The following PLBD1 variants were observed in gnomAD, a reference collection of about 807,000 sequenced individuals.
PLBD1 encodes the protein phospholipase B domain containing 1.
Under a neutral mutation model 63.0 loss-of-function variants are expected in PLBD1, and 60 were observed. The observed-to-expected ratio is 0.95, with a 90% CI of 0.77 to 1.18. The LOEUF is 1.18. Ranked by LOEUF, PLBD1 falls within the 50% of genes most tolerant of loss-of-function variation. PLBD1 has a pLI of 0.00. For synonymous variants in PLBD1, 262 were observed against 248.0 expected, an observed-to-expected ratio of 1.06 and a Z score of -0.53; for missense variants, 598 against 677.9, an observed-to-expected ratio of 0.88 and a Z score of 1.31.
chr12:14,536,463 T>C, intron 5 of PLBD1, 107 bp downstream of exon 5: 1 of 1,219,172 alleles, frequency 8.2e-7, no homozygotes, highest in Non-Finnish European at 1.2e-6. Flanking sequence ...ACTCATGAGC[T>C]GATATACAGT....
chr12:14,556,924 C>T (rs1287127286), intron 1 of PLBD1, among the ~76,000 whole-genome samples: 2 of 136,580 alleles, frequency 1.5e-5, no homozygotes, highest in African/African-American at 5.5e-5. Flanking sequence ...GCGGAGGTTG[C>T]AGTGAGCCGA....
chr12:14,567,451 C>CT, intron 1 of PLBD1, 131 bp downstream of exon 1: 1 of 1,270,066 alleles, frequency 7.9e-7, no homozygotes, highest in Non-Finnish European at 1.0e-6. Context: ...CGGCCGGAGG[C>CT]GCGTTTCTCT....
chr12:14,536,492 G>T, intron 5 of PLBD1, 78 bp downstream of exon 5: 4 of 1,479,568 alleles, frequency 2.7e-6, no homozygotes, highest in Non-Finnish European at 3.7e-6. Flanking sequence ...GGGGTGATGA[G>T]ATGTTGCTAT....
chr12:14,558,234 G>A (rs1945721705), intron 1 of PLBD1, among the ~76,000 whole-genome samples: 1 of 152,070 alleles, frequency 6.6e-6, no homozygotes, highest in African/African-American at 2.4e-5. Context: ...TGACTTCTGA[G>A]TACAATGACC....
At chr12:14,536,020 G>T (rs1945511129) in intron 5 of PLBD1, 1 of 488,350 alleles carries the variant, frequency 2.0e-6, no homozygotes, top group Middle Eastern at 5.3e-4. Flanking sequence ...CTCCAGCTGG[G>T]CATGGTGGCT....
chr12:14,543,956 A>G (rs1392937901), intron 2 of PLBD1, among the ~76,000 whole-genome samples: 4 of 151,772 alleles, frequency 2.6e-5, no homozygotes, highest in Admixed American at 6.6e-5. Context: ...AAATGGTTAT[A>G]ACATTCTAGT....
intron 2 of PLBD1, among the ~76,000 whole-genome samples, chr12:14,545,653 C>A (rs1945611304): frequency 6.6e-6 from 1 of 152,164 alleles, no homozygotes; most frequent in South Asian, 2.1e-4. Context: ...GGGAATTTGG[C>A]TCCTACACTT....
At chr12:14,514,700 G>T (rs1945324641) in intron 6 of PLBD1, among the ~76,000 whole-genome samples, 1 of 151,986 alleles carries the variant, frequency 6.6e-6, no homozygotes, top group South Asian at 2.1e-4. Flanking sequence ...CCTTTGAAAA[G>T]AAACACATTT....
At chr12:14,505,497 G>T (rs939422958) in intron 10 of PLBD1, among the ~76,000 whole-genome samples, 4 of 152,152 alleles carry the variant, frequency 2.6e-5, no homozygotes, top group Non-Finnish European at 5.9e-5. Flanking sequence ...GAGGAAAAAA[G>T]TTCCTGATTT....
chr12:14,562,487 A>G (rs1465482298), intron 1 of PLBD1, among the ~76,000 whole-genome samples: 1 of 151,360 alleles, frequency 6.6e-6, no homozygotes, highest in African/African-American at 2.4e-5. Flanking sequence ...AAAGACTGTA[A>G]CTGAACATGA....
At position 14,567,825 on chromosome 12, in the gene PLBD1, T is replaced by C. The variant is rs2136939261; in HGVS notation, c.-129A>G. On this transcript the variant is annotated 5_prime_UTR_variant, in exon 1 of 11. Transcript: ENST00000240617. ...CTCCGAGGTGGGGCGTCCTCAACTTTCCTCTTTCTTGAGCCCGGCCTGCTC... is the reference window on the plus strand; with the variant it reads ...CTCCGAGGTGGGGCGTCCTCAACTTCCCTCTTTCTTGAGCCCGGCCTGCTC... 2 of 1,263,388 alleles carry C rather than the reference T, an allele frequency of 1.6e-6. No homozygotes were observed. Among genetic ancestry groups the C allele is most frequent in the East Asian group, 3.2e-5 (1 of 31,402 alleles). 78.3% of individuals were successfully genotyped at this position (1,263,388 alleles called of 1,614,324 possible).
chr12:14,559,966 T>A (rs1001483911), intron 1 of PLBD1, among the ~76,000 whole-genome samples: 21 of 152,086 alleles, frequency 1.4e-4, no homozygotes, highest in African/African-American at 5.1e-4. Flanking sequence ...GTTCAAGCGA[T>A]TCTCCTGCCT....
chr12:14,564,785 A>G (rs1043865710), intron 1 of PLBD1, among the ~76,000 whole-genome samples: 4 of 152,180 alleles, frequency 2.6e-5, no homozygotes, highest in African/African-American at 9.7e-5. Context: ...TATACATACC[A>G]TATTATGAGT....
intron 6 of PLBD1, among the ~76,000 whole-genome samples, chr12:14,528,969 T>C (rs1418156047): frequency 6.6e-6 from 1 of 152,100 alleles, no homozygotes; most frequent in African/African-American, 2.4e-5. Context: ...AAATTTACAA[T>C]TAATAACTTT....
At chr12:14,528,234 C>T (rs1190177922) in intron 6 of PLBD1, among the ~76,000 whole-genome samples, 2 of 152,080 alleles carry the variant, frequency 1.3e-5, no homozygotes, top group Non-Finnish European at 2.9e-5. Context: ...TTAACTTGCA[C>T]TGACTGACAT....
In PLBD1 at chr12:14,503,756, C is replaced by G; in HGVS notation, c.*16G>C. 6.2e-7 allele frequency: 1 copy of G among 1,604,482 alleles called. No homozygotes were observed. Among genetic ancestry groups the G allele is most frequent in the Non-Finnish European group, 8.5e-7 (1 of 1,171,938 alleles). On this transcript the variant is annotated 3_prime_UTR_variant, in exon 11 of 11. Transcript: ENST00000240617. ...GGTATCTTATTTACAGTCTTCTAGT[C>G]CGTCATCTCCCTCCTTCATTTTATA...
rs552528034 is a variant in PLBD1, at chr12:14,555,376, A to G, written c.116-1964T>C. On this transcript the variant is annotated intron_variant, in intron 1 of 10. Transcript: ENST00000240617. Reference sequence around the variant, plus strand: ...AACATGGAGAAACCTCGTCTCTACTAAAAGTACAAAATGAGCCAGGCATGG... The same window carrying G: ...AACATGGAGAAACCTCGTCTCTACTGAAAGTACAAAATGAGCCAGGCATGG... Among the ~76,000 whole-genome samples the G allele has an allele frequency of 1.9e-3, 282 of 152,274 alleles. 2 individuals are homozygous for G. Among genetic ancestry groups the G allele is most frequent in the African/African-American group, 6.5e-3 (271 of 41,544 alleles).
intron 1 of PLBD1, among the ~76,000 whole-genome samples, chr12:14,563,766 C>G (rs1159598579): frequency 8.7e-6 from 1 of 114,556 alleles, no homozygotes; most frequent in Non-Finnish European, 2.0e-5. Flanking sequence ...CTAAAGGTCA[C>G]ATGGCAAGTG....
At chr12:14,524,793 C>CA (rs1168169598) in intron 6 of PLBD1, among the ~76,000 whole-genome samples, 1 of 151,974 alleles carries the variant, frequency 6.6e-6, no homozygotes, top group African/African-American at 2.4e-5. Flanking sequence ...CGGACAAAGA[C>CA]AAAACAGGAA....
Sources: allele counts gnomAD v4.1 joint callset (sites outside exome capture counted in the v4.1 genomes callset), GRCh38; gene constraint gnomAD v4.1.1; transcripts MANE v1.5; gene names NCBI Gene and HGNC (gene_info 2026-07-23, HGNC 2026-07-21).